The following ABAT variants were observed in gnomAD, a reference collection of about 807,000 sequenced individuals.
The protein encoded by ABAT is 4-aminobutyrate aminotransferase, mitochondrial.
ABAT carries 45 observed loss-of-function variants against 64.6 expected under a neutral mutation model. The observed-to-expected ratio is 0.70, with a 90% confidence interval of 0.55 to 0.89. The LOEUF is 0.89. Ranked by LOEUF, ABAT falls within the 40% of genes least tolerant of loss-of-function variation. ABAT has a pLI of 0.00. For missense variants in ABAT, 633 were observed against 658.4 expected, an observed-to-expected ratio of 0.96 and a Z score of 0.42; for synonymous variants, 297 against 250.5, an observed-to-expected ratio of 1.19 and a Z score of -1.75.
chr16:8,755,311 A>T (rs939346807), intron 5 of ABAT, among the ~76,000 whole-genome samples: 1 of 152,086 alleles, frequency 6.6e-6, no homozygotes, highest in Non-Finnish European at 1.5e-5. Flanking sequence ...TGGCATCACC[A>T]TGGACAGGGG....
chr16:8,723,934 G>A (rs923312750), intron 1 of ABAT, among the ~76,000 whole-genome samples: 5 of 144,038 alleles, frequency 3.5e-5, no homozygotes, highest in South Asian at 2.3e-4. Flanking sequence ...CCCACCTCCC[G>A]GGTTCAAGCA....
At chr16:8,751,561 T>C (rs1262297996) in intron 5 of ABAT, among the ~76,000 whole-genome samples, 3 of 152,084 alleles carry the variant, frequency 2.0e-5, no homozygotes, top group Non-Finnish European at 4.4e-5. Context: ...CACCCCAGAG[T>C]TGGTCTCAGA....
rs1272562191 is a variant in ABAT at position 8,747,984 on chromosome 16, T to C, written c.169-124T>C. ...GTAATTTTAAAGTAATATGGTTGACTAATAAAATATTTAGTTATTGGCAAA... is the reference window on the plus strand; with the variant it reads ...GTAATTTTAAAGTAATATGGTTGACCAATAAAATATTTAGTTATTGGCAAA... On this transcript the variant is annotated intron_variant, in intron 3 of 15. Transcript: ENST00000268251. 8 of 852,840 alleles carry C rather than the reference T, an allele frequency of 9.4e-6. No individual in the cohort carries two copies. The East Asian group carries it at 2.1e-4, about 22-fold the overall frequency. The allele number at this position is 852,840 out of a possible 1,614,324, so 52.8% of individuals were successfully genotyped here. A position where few individuals can be genotyped will look rare whatever the true frequency, so the allele number is the denominator to read the frequency against.
At chr16:8,766,151 T>C (rs1177886340) in intron 8 of ABAT, 57 bp from the exon 9 acceptor site, 4 of 1,546,086 alleles carry the variant, frequency 2.6e-6, no homozygotes, top group African/African-American at 2.7e-5. Context: ...GTTGGAAAGA[T>C]GAAGCCCCGA....
At chr16:8,682,519 A>G (rs1357181657) in intron 1 of ABAT, among the ~76,000 whole-genome samples, 2 of 152,094 alleles carry the variant, frequency 1.3e-5, no homozygotes, top group Admixed American at 6.5e-5. Context: ...GCCCCTGCCC[A>G]CCAGAATTAT....
At chr16:8,717,819 C>T (rs1410001564) in intron 1 of ABAT, among the ~76,000 whole-genome samples, 2 of 151,354 alleles carry the variant, frequency 1.3e-5, no homozygotes, top group African/African-American at 4.9e-5. Context: ...CCCAAATCAC[C>T]TCTTTTTTTT....
At chr16:8,695,920 G>C (rs2057691194) in intron 1 of ABAT, among the ~76,000 whole-genome samples, 1 of 152,128 alleles carries the variant, frequency 6.6e-6, no homozygotes. Context: ...GGACTATGAG[G>C]GATCTCTGAG....
At chr16:8,686,882 A>C (rs1402148049) in intron 1 of ABAT, among the ~76,000 whole-genome samples, 1 of 152,148 alleles carries the variant, frequency 6.6e-6, no homozygotes, top group African/African-American at 2.4e-5. Context: ...CTGAATATGA[A>C]CTGATGGTAT....
chr16:8,761,020 G>A (rs554106998), intron 6 of ABAT, among the ~76,000 whole-genome samples: 1 of 152,246 alleles, frequency 6.6e-6, no homozygotes, highest in African/African-American at 2.4e-5. Context: ...TCATTGCAGT[G>A]AGCCGTGATC....
intron 1 of ABAT, among the ~76,000 whole-genome samples, chr16:8,721,352 A>C (rs1236542915): frequency 1.3e-5 from 2 of 151,996 alleles, no homozygotes; most frequent in Non-Finnish European, 2.9e-5. Flanking sequence ...TGCAGGGCCC[A>C]CCGTCCACTC....
At position 8,781,812 on chromosome 16, in the gene ABAT, G is replaced by GC; in HGVS notation, c.*384dup. 1 of 360,778 alleles carries GC rather than the reference G, an allele frequency of 2.8e-6. No homozygotes were observed. Among genetic ancestry groups the GC allele is most frequent in the Non-Finnish European group, 5.4e-6 (1 of 185,662 alleles). 22.3% of individuals were successfully genotyped at this position (360,778 alleles called of 1,614,324 possible). ...GGACTGGCAGCTGGGCCTCCTGGGT[G>GC]CCAGTCCATCTCAAGTGCCATATTC... is the stretch of plus-strand genomic sequence containing the variant. On this transcript the variant is annotated 3_prime_UTR_variant, in exon 16 of 16. Coordinates refer to ENST00000268251, the MANE Select transcript of ABAT (RefSeq NM_020686.6). The surrounding 1 kb of genome is among the most constrained non-coding windows in gnomAD (Gnocchi z 4.5).
intron 1 of ABAT, among the ~76,000 whole-genome samples, chr16:8,676,974 C>G (rs1471321583): frequency 6.6e-6 from 1 of 152,156 alleles, no homozygotes; most frequent in Non-Finnish European, 1.5e-5. Flanking sequence ...CTGTTTCTGC[C>G]CCCACCCAGT....
intron 1 of ABAT, among the ~76,000 whole-genome samples, chr16:8,728,198 C>A (rs2058614508): frequency 6.6e-6 from 1 of 152,162 alleles, no homozygotes; most frequent in Admixed American, 6.5e-5. Context: ...TTAACTCTTC[C>A]AATTGTTTGA....
chr16:8,712,270 A>C (rs2058094278), intron 1 of ABAT, among the ~76,000 whole-genome samples: 1 of 152,180 alleles, frequency 6.6e-6, no homozygotes. Context: ...TTTTGTTTTA[A>C]AAATTACCAA....
chr16:8,685,633 G>A (rs6498753), intron 1 of ABAT, among the ~76,000 whole-genome samples: 88,173 of 151,934 alleles, frequency 0.58, 26,020 homozygotes, highest in East Asian at 0.78. Context: ...CCAAGATTAC[G>A]CCACTGCACT....
intron 1 of ABAT, among the ~76,000 whole-genome samples, chr16:8,675,505 A>AC (rs1428199139): frequency 4.6e-5 from 7 of 151,436 alleles, no homozygotes; most frequent in Non-Finnish European, 8.8e-5. Context: ...CCATCCTCCC[A>AC]CCGCTCCCAA....
At chr16:8,718,788 G>C (rs143645408) in intron 1 of ABAT, among the ~76,000 whole-genome samples, 20 of 152,290 alleles carry the variant, frequency 1.3e-4, no homozygotes, top group African/African-American at 4.8e-4. Flanking sequence ...GCATTCATTC[G>C]TAAAATCAGA....
chr16:8,695,329 G>A (rs1325784477), intron 1 of ABAT, among the ~76,000 whole-genome samples: 1 of 152,210 alleles, frequency 6.6e-6, no homozygotes, highest in Non-Finnish European at 1.5e-5. Context: ...GGTTCATACT[G>A]GTTAAGAGGC....
At chr16:8,700,037 T>C (rs1004090918) in intron 1 of ABAT, among the ~76,000 whole-genome samples, 11 of 152,044 alleles carry the variant, frequency 7.2e-5, no homozygotes, top group African/African-American at 2.7e-4. Flanking sequence ...CCCAGGCTGG[T>C]CTTAAACTCC....
Sources: gnomAD v4.1 joint callset for allele counts (sites outside exome capture counted in the v4.1 genomes callset) on GRCh38, gnomAD v4.1.1 for gene constraint, Gnocchi (gnomAD v3.1) non-coding constraint, MANE v1.5 for transcripts, NCBI Gene and HGNC (gene_info 2026-07-23, HGNC 2026-07-21) for gene names.